The following TRPA1 variants were observed in gnomAD, a reference collection of about 807,000 sequenced individuals.
TRPA1 encodes ankyrin-like with transmembrane domains 1.
A neutral mutation model predicts 131.3 loss-of-function variants in TRPA1; 129 were observed. The observed-to-expected ratio is 0.98, with a 90% CI of 0.85 to 1.14. The LOEUF (loss-of-function observed/expected upper bound fraction) is 1.14. TRPA1 is among the 50% of genes most tolerant of loss of function. TRPA1 has a pLI of 0.00. For synonymous variants in TRPA1, 441 were observed against 451.7 expected (o/e 0.98, Z 0.30); for missense variants, 1,304 against 1,354.2 (o/e 0.96, Z 0.58).
At chr8:72,034,006 C>T (rs899138051) in intron 22 of TRPA1, among the ~76,000 whole-genome samples, 180 bp from the exon 23 acceptor site, 3 of 152,114 alleles carry the variant, frequency 2.0e-5, no homozygotes, top group African/African-American at 7.2e-5. Context: ...AATATGTTAT[C>T]TGCATAAATA....
At chr8:72,079,806 C>G (rs949904362), upstream of TRPA1, among the ~76,000 whole-genome samples, 1 of 151,828 alleles carries the variant, frequency 6.6e-6, no homozygotes, top group Non-Finnish European at 1.5e-5. Context: ...GGTATATTTT[C>G]AGTTTATATA....
chr8:72,064,486 T>C (rs13266501), intron 4 of TRPA1, among the ~76,000 whole-genome samples: 45,011 of 151,708 alleles, frequency 0.3, 7,023 homozygotes, highest in Middle Eastern at 0.44. Context: ...AATTTAAGGC[T>C]CTTTTCCTAA....
Position 72,034,388 on chromosome 8 carries a change from A to G in TRPA1, c.2556-11T>C. The G allele has an allele frequency of 7.4e-6, 4 of 540,024 alleles. No individual in the cohort carries two copies. The highest frequency in any genetic ancestry group is 1.0e-5 in the Non-Finnish European group (4 of 381,594). 33.5% of individuals were successfully genotyped at this position (540,024 alleles called of 1,614,324 possible). A position where few individuals can be genotyped will look rare whatever the true frequency, so the allele number is the denominator to read the frequency against. ...CCACAATTTTCAAATCTAGAAAAGTAAAAAAAAAAAAATTTACTCACTTTT... is the reference window on the plus strand; with the variant it reads ...CCACAATTTTCAAATCTAGAAAAGTGAAAAAAAAAAAATTTACTCACTTTT... On this transcript the variant is annotated splice_polypyrimidine_tract_variant and intron_variant, in intron 21 of 26. Transcript: ENST00000262209.
chr8:72,064,302 T>A (rs1348230860), intron 4 of TRPA1, among the ~76,000 whole-genome samples: 1 of 150,818 alleles, frequency 6.6e-6, no homozygotes, highest in Non-Finnish European at 1.5e-5. Flanking sequence ...AAATTGAAGA[T>A]GTACTCTGTA....
At chr8:72,069,660 A>C (rs1806012858) in intron 2 of TRPA1, among the ~76,000 whole-genome samples, 1 of 152,140 alleles carries the variant, frequency 6.6e-6, no homozygotes, top group Non-Finnish European at 1.5e-5. Flanking sequence ...AAGTCTTGCC[A>C]ACATCACAGA....
chr8:72,077,628 G>A (rs1357452050), upstream of TRPA1, among the ~76,000 whole-genome samples: 2 of 152,260 alleles, frequency 1.3e-5, no homozygotes, highest in South Asian at 4.1e-4. Context: ...TTCAGGCAGT[G>A]TCTTCCTAAG....
At chr8:72,024,726 G>C (rs985228010) in intron 25 of TRPA1, among the ~76,000 whole-genome samples, 2 of 152,152 alleles carry the variant, frequency 1.3e-5, no homozygotes, top group African/African-American at 2.4e-5. Flanking sequence ...ATGTCAAGTA[G>C]GCAGCTGGAT....
intron 14 of TRPA1, among the ~76,000 whole-genome samples, chr8:72,052,257 A>G (rs72659660): frequency 0.071 from 10,874 of 152,200 alleles, 518 homozygotes; most frequent in Middle Eastern, 0.14. Flanking sequence ...CCACGTCTCA[A>G]TGAAAAATAC....
At chr8:72,054,283 G>A (rs1196081113) in intron 12 of TRPA1, 1 of 237,764 alleles carries the variant, frequency 4.2e-6, no homozygotes, top group African/African-American at 2.3e-5. Flanking sequence ...AGTCTTTGTG[G>A]TCAATAGTTA....
At chr8:72,078,129 A>C (rs1806224093), upstream of TRPA1, among the ~76,000 whole-genome samples, 1 of 151,842 alleles carries the variant, frequency 6.6e-6, no homozygotes, top group South Asian at 2.1e-4. Context: ...TTGTTCCTTA[A>C]ATTTAAAAAT....
rs1464165145 is a variant in TRPA1 at position 72,075,556 on chromosome 8, G to C, written c.-147C>G. 1 of 697,354 alleles carries C rather than the reference G, an allele frequency of 1.4e-6. No individual in the cohort carries two copies. The highest frequency in any genetic ancestry group is 2.5e-6 in the Non-Finnish European group (1 of 394,964). The allele number at this position is 697,354 out of a possible 1,614,324, so 43.2% of individuals were successfully genotyped here. On this transcript the variant is annotated 5_prime_UTR_variant, in exon 1 of 27. Transcript: ENST00000262209. ...GCAGCTCACAGGCAGCGAAAAAGTC[G>C]CTCTGCGGAAGCCCTGGAGAACTTC...
intron 10 of TRPA1, chr8:72,056,087 A>G: frequency 1.8e-6 from 1 of 563,582 alleles, no homozygotes; most frequent in Non-Finnish European, 3.2e-6. Context: ...GTATTAAAGG[A>G]TCTGAGAGAT....
chr8:72,028,713 T>A (rs1811695300), intron 24 of TRPA1, among the ~76,000 whole-genome samples: 1 of 152,238 alleles, frequency 6.6e-6, no homozygotes, highest in African/African-American at 2.4e-5. Flanking sequence ...CATAGTTGAC[T>A]TAATAGTCAG....
intron 17 of TRPA1, among the ~76,000 whole-genome samples, chr8:72,042,750 A>G (rs1260986713): frequency 2.6e-5 from 4 of 151,956 alleles, no homozygotes; most frequent in Non-Finnish European, 5.9e-5. Context: ...GTCTTGTCAC[A>G]TGCTCTAACA....
At chr8:72,031,997 A>C (rs576375104) in intron 23 of TRPA1, among the ~76,000 whole-genome samples, 1 of 152,296 alleles carries the variant, frequency 6.6e-6, no homozygotes, top group African/African-American at 2.4e-5. Context: ...GAAATCTTAG[A>C]GCTAACCCAT....
Position 72,046,608 on chromosome 8 carries a change from T to C in TRPA1, c.1966A>G (p.Ile656Val), listed in dbSNP as rs757025360. Reference protein sequence around the residue: ...TEDKSCRDYYIEYNFKYLQCP... With the variant: ...TEDKSCRDYYVEYNFKYLQCP... ...TGAAGATATTTGAAATTATACTCGA[T>C]CTGTAGAAGACAGAATTTTTTTTAA... The change falls in exon 17 of 27, where the codon ATC becomes GTC. Residue 656 changes from isoleucine to valine, a missense_variant and splice_region_variant. By Grantham distance (29) the Ile-to-Val change is conservative (BLOSUM62 3). Transcript: ENST00000262209. 1.3e-6 allele frequency: 2 copies of C among 1,535,150 alleles called. No homozygotes were observed. Among genetic ancestry groups the C allele is most frequent in the South Asian group, 2.3e-5 (2 of 87,352 alleles).
rs374305576 is a variant in TRPA1 at position 72,052,698 on chromosome 8, T to C, written c.1712A>G (p.Asn571Ser). 1.1e-5 allele frequency: 17 copies of C among 1,613,758 alleles called. No homozygotes were observed. The highest frequency in any genetic ancestry group is 1.7e-5 in the Admixed American group (1 of 59,962). Residue 571 changes from asparagine to serine, a missense_variant, in exon 14 of 27, where the codon AAT (asparagine) becomes AGT (serine). Asn to Ser is a conservative substitution (Grantham distance 46, BLOSUM62 1). Transcript: ENST00000262209. ...AKAVALLLSH[N>S]ADIVLNKQQA... ...CTGCTTGTTCAGGACTATGTCAGCA[T>C]TGTGGCTCAGAAGAAGCGCAACGGC... is the stretch of plus-strand genomic sequence containing the variant.
Position 72,065,470 on chromosome 8 carries a change from C to G in TRPA1, c.533G>C (p.Ser178Thr), listed in dbSNP as rs1805908769. 6.2e-7 allele frequency: 1 copy of G among 1,613,262 alleles called. No individual in the cohort carries two copies. Among genetic ancestry groups the G allele is most frequent in the African/African-American group, 1.3e-5 (1 of 74,862 alleles). Residue 178 changes from serine to threonine, a missense_variant, in exon 4 of 27, where the codon AGC becomes ACC. Coordinates refer to ENST00000262209, the MANE Select transcript of TRPA1 (RefSeq NM_007332.3). ...ACAAACCAAAATCTGCAATGCTTCG[C>G]TATTATTTGTGGTGCACGCAATGAT... ...AVIIACTTNN[S>T]EALQILLKKG...
At chr8:72,050,734 TG>T in intron 15 of TRPA1, 43 bp downstream of exon 15, 1 of 1,253,744 alleles carries the variant, frequency 8.0e-7, no homozygotes, top group Non-Finnish European at 1.2e-6. Context: ...CAACAACATA[TG>T]TCAAGCATAA....
Sources: gnomAD v4.1 joint callset for allele counts (sites outside exome capture counted in the v4.1 genomes callset) on GRCh38, gnomAD v4.1.1 for gene constraint, MANE v1.5 for transcripts, NCBI Gene and HGNC (gene_info 2026-07-23, HGNC 2026-07-21) for gene names.